TEAD1: variants seen among roughly 807,000 people sequenced by gnomAD.
TEAD1 encodes the protein transcriptional enhancer factor TEF-1.
Under a neutral mutation model 54.9 loss-of-function variants are expected in TEAD1, and 9 were observed. The observed-to-expected ratio is 0.16, with a 90% CI of 0.10 to 0.29. The LOEUF is 0.29. TEAD1 is among the 10% of genes least tolerant of loss of function. The pLI is 1.00. For synonymous variants in TEAD1, 200 were observed against 187.8 expected (o/e 1.07, Z -0.53); for missense variants, 387 against 535.9 (o/e 0.72, Z 2.74).
chr11:12,774,054 C>CT (rs1945368313), intron 3 of TEAD1, among the ~76,000 whole-genome samples: 1 of 152,078 alleles, frequency 6.6e-6, no homozygotes, highest in South Asian at 2.1e-4. Context: ...TCGTAGGAGT[C>CT]TAAGTTGGGA....
intron 3 of TEAD1, among the ~76,000 whole-genome samples, chr11:12,843,902 A>C (rs973769918): frequency 3.3e-5 from 5 of 152,224 alleles, no homozygotes; most frequent in African/African-American, 1.2e-4. Flanking sequence ...CACGAAGCCT[A>C]ATATTAAAGG....
At chr11:12,680,423 G>A (rs2133809822) in intron 2 of TEAD1, among the ~76,000 whole-genome samples, 2 of 152,288 alleles carry the variant, frequency 1.3e-5, no homozygotes, top group South Asian at 4.1e-4. Context: ...CTTAAGAACC[G>A]AATTCACTTC....
chr11:12,852,433 A>G (rs971875526), intron 3 of TEAD1, among the ~76,000 whole-genome samples: 1 of 146,006 alleles, frequency 6.8e-6, no homozygotes, highest in African/African-American at 2.5e-5. Context: ...GCTCCATTAA[A>G]TCTCATCTTT....
At chr11:12,860,529 G>T (rs1405348760) in intron 3 of TEAD1, among the ~76,000 whole-genome samples, 1 of 152,148 alleles carries the variant, frequency 6.6e-6, no homozygotes, top group Non-Finnish European at 1.5e-5. Context: ...TTTCCCTAAG[G>T]ACATTTTGAT....
chr11:12,842,938 A>C (rs1947070732), intron 3 of TEAD1, among the ~76,000 whole-genome samples: 2 of 152,260 alleles, frequency 1.3e-5, no homozygotes, highest in South Asian at 4.1e-4. Context: ...AGATACTTTA[A>C]GAACATTTGT....
At chr11:12,924,787 G>A (rs569554396) in intron 10 of TEAD1, 125 bp from the exon 11 acceptor site, 737 of 1,185,070 alleles carry the variant, frequency 6.2e-4, no homozygotes, top group Non-Finnish European at 8.8e-4. Context: ...TTCTAGATGA[G>A]CATCACCTTC....
intron 3 of TEAD1, among the ~76,000 whole-genome samples, chr11:12,783,016 C>A (rs1945590271): frequency 6.6e-6 from 1 of 151,800 alleles, no homozygotes; most frequent in South Asian, 2.1e-4. Flanking sequence ...TAAACAGTAT[C>A]TTCTTCACAA....
chr11:12,785,002 C>T (rs1012004620), intron 3 of TEAD1, among the ~76,000 whole-genome samples: 2 of 152,186 alleles, frequency 1.3e-5, no homozygotes, highest in Admixed American at 6.5e-5. Flanking sequence ...CTGGAGAAAA[C>T]CCAGAGATGG....
chr11:12,752,929 G>T (rs113114539), intron 2 of TEAD1, among the ~76,000 whole-genome samples: 1 of 151,202 alleles, frequency 6.6e-6, no homozygotes, highest in African/African-American at 2.4e-5. Flanking sequence ...CAGCTTGACC[G>T]CCTGGGCTCA....
intron 3 of TEAD1, among the ~76,000 whole-genome samples, chr11:12,858,178 C>A (rs1484181260): frequency 1.3e-5 from 2 of 152,106 alleles, no homozygotes; most frequent in Non-Finnish European, 2.9e-5. Context: ...TCCTCAGAAC[C>A]TAGTTGATAC....
chr11:12,707,990 G>T (rs1943856038), intron 2 of TEAD1, among the ~76,000 whole-genome samples: 1 of 152,310 alleles, frequency 6.6e-6, no homozygotes, highest in Non-Finnish European at 1.5e-5. Context: ...GGTGGCAGTG[G>T]TTTTTATTTC....
intron 3 of TEAD1, among the ~76,000 whole-genome samples, chr11:12,794,868 C>T (rs1250671209): frequency 2.0e-5 from 3 of 152,230 alleles, no homozygotes; most frequent in Admixed American, 6.5e-5. Context: ...AACTCCCTGG[C>T]GCTTATCCCT....
chr11:12,690,326 G>GT (rs1047696053), intron 2 of TEAD1, among the ~76,000 whole-genome samples: 2 of 151,198 alleles, frequency 1.3e-5, no homozygotes. Context: ...TCTCATAAAT[G>GT]TTTTTTCATA....
At chr11:12,692,195 G>C (rs913583745) in intron 2 of TEAD1, among the ~76,000 whole-genome samples, 1 of 151,894 alleles carries the variant, frequency 6.6e-6, no homozygotes, top group African/African-American at 2.4e-5. Flanking sequence ...GCCCATGTTG[G>C]TGCATCATAG....
chr11:12,743,721 A>G lies in TEAD1; in HGVS notation c.-54-20458A>G, dbSNP rs188362998. On this transcript the variant is annotated intron_variant, in intron 2 of 12. Coordinates refer to ENST00000527636, the MANE Select transcript of TEAD1 (RefSeq NM_021961.6). ...GATTTTAAAAGTTGCCTGTATGACA[A>G]ATGAAACAGATTTAAGGTGGGGGAG... is the stretch of plus-strand genomic sequence containing the variant. Among the ~76,000 whole-genome samples, 590 of 152,326 alleles carry G rather than the reference A, an allele frequency of 3.9e-3. 4 individuals are homozygous for G. The highest frequency in any genetic ancestry group is 5.3e-3 in the Admixed American group (81 of 15,300).
intron 3 of TEAD1, among the ~76,000 whole-genome samples, chr11:12,822,124 C>A (rs547586343): frequency 6.6e-6 from 1 of 151,774 alleles, no homozygotes; most frequent in Admixed American, 6.6e-5. Context: ...CCACCATGCC[C>A]GGCTAATTTT....
intron 3 of TEAD1, among the ~76,000 whole-genome samples, chr11:12,801,041 G>A (rs10500759): frequency 0.38 from 57,633 of 152,098 alleles, 11,457 homozygotes; most frequent in South Asian, 0.62. Flanking sequence ...AGATTGAAAC[G>A]AGAAGAGTGA....
chr11:12,761,952 G>T lies in TEAD1; in HGVS notation c.-54-2227G>T, dbSNP rs185362647. Among the ~76,000 whole-genome samples, 286 of 152,174 alleles carry T rather than the reference G, an allele frequency of 1.9e-3. 1 individual carries two copies. Among genetic ancestry groups the T allele is most frequent in the African/African-American group, 6.6e-3 (275 of 41,488 alleles). On this transcript the variant is annotated intron_variant, in intron 2 of 12. Coordinates refer to ENST00000527636, the MANE Select transcript of TEAD1 (RefSeq NM_021961.6). ...GGGACTTTAAGCACTGAATGGGGGT[G>T]GTTGGTGTGTTTTGGTCTGGAGACT...
intron 2 of TEAD1, among the ~76,000 whole-genome samples, chr11:12,750,688 C>T (rs1418249608): frequency 6.6e-6 from 1 of 152,110 alleles, no homozygotes; most frequent in African/African-American, 2.4e-5. Flanking sequence ...GTGATTGACT[C>T]AGCTTACATT....
Sources: gnomAD v4.1 joint callset for allele counts (sites outside exome capture counted in the v4.1 genomes callset) on GRCh38, gnomAD v4.1.1 for gene constraint, MANE v1.5 for transcripts, NCBI Gene and HGNC (gene_info 2026-07-23, HGNC 2026-07-21) for gene names.